Variants in FABP12 observed in about 807,000 individuals in gnomAD.
FABP12 encodes fatty acid-binding protein 12.
Under a neutral mutation model 13.7 loss-of-function variants are expected in FABP12, and 19 were observed. The observed-to-expected ratio is 1.39, with a 90% CI of 0.97 to 2.04. The LOEUF is 2.04. Among genes scored for constraint, FABP12 ranks in the 30% most tolerant of loss-of-function variants. The pLI is 0.00. For synonymous variants in FABP12, 61 were observed against 57.0 expected (o/e 1.07, Z -0.32); for missense variants, 182 against 164.2 (o/e 1.11, Z -0.59).
chr8:81,529,043 C>T (rs977438130), intron 3 of FABP12, among the ~76,000 whole-genome samples: 1 of 152,144 alleles, frequency 6.6e-6, no homozygotes, highest in East Asian at 1.9e-4. Flanking sequence ...TTCATTGTCA[C>T]GGTGGCATAA....
intron 1 of FABP12, among the ~76,000 whole-genome samples, chr8:81,553,790 G>A (rs181856496): frequency 6.6e-5 from 10 of 152,276 alleles, no homozygotes; most frequent in African/African-American, 2.2e-4. Context: ...CTTCATCCTC[G>A]ATGTACGTAG....
chr8:81,586,772 T>C (rs974324577), intron 1 of FABP12, among the ~76,000 whole-genome samples: 3 of 152,204 alleles, frequency 2.0e-5, no homozygotes, highest in Admixed American at 2.0e-4. Flanking sequence ...ATAGTTTCTT[T>C]TGATGTACCG....
intron 1 of FABP12, among the ~76,000 whole-genome samples, chr8:81,532,042 A>G (rs1241643225): frequency 6.6e-6 from 1 of 152,112 alleles, no homozygotes; most frequent in African/African-American, 2.4e-5. Flanking sequence ...TTGCCATGAG[A>G]ACACCAAATA....
chr8:81,535,206 T>C (rs1367623058), upstream of FABP12, among the ~76,000 whole-genome samples: 2 of 152,164 alleles, frequency 1.3e-5, no homozygotes, highest in Non-Finnish European at 2.9e-5. Context: ...ATGAATTAAA[T>C]GGTGCTATGA....
chr8:81,589,147 C>T (rs1810285001), intron 1 of FABP12, among the ~76,000 whole-genome samples: 1 of 152,112 alleles, frequency 6.6e-6, no homozygotes, highest in African/African-American at 2.4e-5. Flanking sequence ...GCCGCCTTCC[C>T]GAAGGAAAAA....
intron 1 of FABP12, among the ~76,000 whole-genome samples, chr8:81,543,666 G>A (rs1226324299): frequency 6.6e-6 from 1 of 152,140 alleles, no homozygotes; most frequent in African/African-American, 2.4e-5. Flanking sequence ...GCACTCAATG[G>A]TTAATGGTGA....
intron 1 of FABP12, among the ~76,000 whole-genome samples, chr8:81,583,872 G>T (rs1427679177): frequency 1.3e-5 from 2 of 152,086 alleles, no homozygotes; most frequent in African/African-American, 4.8e-5. Flanking sequence ...ACCAAAAGCA[G>T]ACAGGACACA....
At chr8:81,567,224 T>C (rs1809840260) in intron 1 of FABP12, among the ~76,000 whole-genome samples, 1 of 152,212 alleles carries the variant, frequency 6.6e-6, no homozygotes, top group African/African-American at 2.4e-5. Flanking sequence ...ATGCCCGTAC[T>C]ACTAAAAGTA....
At chr8:81,538,284 T>G (rs1198210719), upstream of FABP12, among the ~76,000 whole-genome samples, 2 of 152,158 alleles carry the variant, frequency 1.3e-5, no homozygotes, top group Admixed American at 6.5e-5. Flanking sequence ...CATCTCAGTA[T>G]GAGATTTGGA....
At chr8:81,589,226 G>A (rs1288673885) in intron 1 of FABP12, among the ~76,000 whole-genome samples, 2 of 152,094 alleles carry the variant, frequency 1.3e-5, no homozygotes, top group Admixed American at 6.6e-5. Flanking sequence ...TTAAATTTGC[G>A]AGTTAATTTT....
chr8:81,556,648 T>A (rs393393), intron 1 of FABP12, among the ~76,000 whole-genome samples: 36,053 of 149,892 alleles, frequency 0.24, 4,419 homozygotes, highest in Middle Eastern at 0.36. Flanking sequence ...AAATAATGCA[T>A]TTTAACTTTT....
chr8:81,526,296 A>G (rs1808897031), intron 4 of FABP12: 1 of 152,152 alleles, frequency 6.6e-6, no homozygotes. Context: ...GAGAAGGAAA[A>G]TCATGAACAC....
At chr8:81,570,267 C>CTCCT (rs1161312580) in intron 1 of FABP12, among the ~76,000 whole-genome samples, 8 of 152,192 alleles carry the variant, frequency 5.3e-5, no homozygotes, top group Non-Finnish European at 8.8e-5. Context: ...CAGATCTTCT[C>CTCCT]TCCTTCTCTT....
At chr8:81,549,659 A>G (rs1288350474) in intron 1 of FABP12, among the ~76,000 whole-genome samples, 2 of 152,180 alleles carry the variant, frequency 1.3e-5, no homozygotes, top group Non-Finnish European at 2.9e-5. Flanking sequence ...AATAGAAGTG[A>G]AATAGGGTAC....
At chr8:81,542,836 A>G (rs1809372659) in intron 1 of FABP12, among the ~76,000 whole-genome samples, 1 of 152,230 alleles carries the variant, frequency 6.6e-6, no homozygotes, top group Non-Finnish European at 1.5e-5. Context: ...AATAGAGATG[A>G]GATTAATATC....
chr8:81,542,475 G>A (rs540971481), intron 1 of FABP12, among the ~76,000 whole-genome samples: 2 of 152,238 alleles, frequency 1.3e-5, no homozygotes, highest in Admixed American at 1.3e-4. Flanking sequence ...AGGTAATTGA[G>A]GCAACCCTAC....
At chr8:81,553,434 T>A (rs1809555987) in intron 1 of FABP12, among the ~76,000 whole-genome samples, 1 of 152,222 alleles carries the variant, frequency 6.6e-6, no homozygotes, top group East Asian at 1.9e-4. Context: ...AGTGCTATTG[T>A]ACCAATTTAT....
In FABP12 at chr8:81,544,272, G is replaced by A. The variant is rs539704801; in HGVS notation, c.-184-4529C>T. Among the ~76,000 whole-genome samples, 21 of 152,274 alleles carry A rather than the reference G, an allele frequency of 1.4e-4. No homozygotes were observed. In the South Asian group the frequency reaches 1.9e-3, roughly 14 times the overall value. ...AGAAGCTCTGGAGGGTACTCTAGAC[G>A]TTCTGGAGGGTAGAAGTCTGAAAAC... On this transcript the variant is annotated intron_variant, in intron 1 of 5. Transcript: ENST00000692030.
At chr8:81,580,695 TC>T (rs1585860865) in intron 1 of FABP12, among the ~76,000 whole-genome samples, 3 of 152,046 alleles carry the variant, frequency 2.0e-5, no homozygotes, top group East Asian at 3.9e-4. Context: ...TTTCCCATTG[TC>T]CCCCCAAAGG....
Sources: allele counts gnomAD v4.1 joint callset (sites outside exome capture counted in the v4.1 genomes callset), GRCh38; gene constraint gnomAD v4.1.1; transcripts MANE v1.5; gene names NCBI Gene and HGNC (gene_info 2026-07-23, HGNC 2026-07-21).